The following SLC35D1 variants were observed in gnomAD, a reference collection of about 807,000 sequenced individuals.
SLC35D1 encodes nucleotide sugar transporter SLC35D1.
SLC35D1 carries 31 observed loss-of-function variants against 46.7 expected under a neutral mutation model. The ratio of observed to expected loss-of-function variants is 0.66; its 90% CI spans 0.50 to 0.90. The LOEUF (loss-of-function observed/expected upper bound fraction) is 0.90, where lower values mean the gene tolerates loss of function less well. Ranked by LOEUF, SLC35D1 falls within the 40% of genes least tolerant of loss-of-function variation. The pLI is 0.00. For missense variants in SLC35D1, 397 were observed against 426.2 expected (o/e 0.93, Z 0.60); for synonymous variants, 195 against 164.6 (o/e 1.18, Z -1.41).
intron 7 of SLC35D1, among the ~76,000 whole-genome samples, chr1:67,044,544 T>A (rs1645230553): frequency 6.6e-6 from 1 of 152,192 alleles, no homozygotes; most frequent in Non-Finnish European, 1.5e-5. Flanking sequence ...CAGATAAGTG[T>A]GCACACACAT....
At chr1:66,974,438 TG>T in the SLC35D1 span, among the ~76,000 whole-genome samples, 34 of 151,618 alleles carry the variant, frequency 2.2e-4, no homozygotes, top group African/African-American at 7.8e-4. Context: ...TTTTTTTTGT[TG>T]TTGTTGTTGT....
At position 66,999,515 on chromosome 1, in the gene SLC35D1, T is replaced by C. The variant is rs1437519929; in HGVS notation, c.*4825A>G. 1 of 152,206 alleles carries C rather than the reference T, an allele frequency of 6.6e-6. No homozygotes were observed. The highest frequency in any genetic ancestry group is 2.4e-5 in the African/African-American group (1 of 41,400). 9.4% of individuals were successfully genotyped at this position (152,206 alleles called of 1,614,324 possible). On this transcript the variant is annotated 3_prime_UTR_variant, in exon 12 of 12. Transcript: ENST00000235345. ...AAAAATGGTCATTTGGTAAATAGACTCTAAAATGAAAAAATACTGTGAGAA... is the reference window on the plus strand; with the variant it reads ...AAAAATGGTCATTTGGTAAATAGACCCTAAAATGAAAAAATACTGTGAGAA...
At chr1:67,045,479 T>G (rs561131396) in intron 7 of SLC35D1, among the ~76,000 whole-genome samples, 4 of 152,238 alleles carry the variant, frequency 2.6e-5, no homozygotes, top group Non-Finnish European at 4.4e-5. Flanking sequence ...TTTATACTGC[T>G]GGTAAACCTC....
chr1:67,038,923 C>A (rs765567084), intron 8 of SLC35D1, among the ~76,000 whole-genome samples: 3 of 151,822 alleles, frequency 2.0e-5, no homozygotes, highest in Non-Finnish European at 4.4e-5. Flanking sequence ...CTCACTGGGA[C>A]GAGTTTTTCA....
At chr1:66,973,508 A>G in the SLC35D1 span, among the ~76,000 whole-genome samples, 1 of 152,092 alleles carries the variant, frequency 6.6e-6, no homozygotes, top group African/African-American at 2.4e-5. Context: ...TCTTATAGTT[A>G]TAATTTGAGG....
rs749472252 is a variant in SLC35D1 at position 67,047,328 on chromosome 1, A to C, written c.573T>G (p.Ile191Met). 1 of 1,613,464 alleles carries C rather than the reference A, an allele frequency of 6.2e-7. No homozygotes were observed. The highest frequency in any genetic ancestry group is 8.5e-7 in the Non-Finnish European group (1 of 1,179,914). Residue 191 changes from isoleucine (I) to methionine (M), a missense_variant, in exon 7 of 12, where the codon ATT becomes ATG. Ile to Met is a conservative substitution (Grantham distance 10, BLOSUM62 1). Transcript: ENST00000235345. Reference sequence around the variant, plus strand: ...CTGCTGTTAGGACATCGTTTATCAGAATAAAAGCATATCCTTCCAGATCAA... The same window carrying C: ...CTGCTGTTAGGACATCGTTTATCAGCATAAAAGCATATCCTTCCAGATCAA... ...LAFDLEGYAF[I>M]LINDVLTAAN...
intron 6 of SLC35D1, 139 bp from the exon 7 acceptor site, chr1:67,047,506 T>A: frequency 1.3e-6 from 1 of 760,808 alleles, no homozygotes; most frequent in South Asian, 1.6e-5. Flanking sequence ...CTACTAGTAT[T>A]TCTTGATTTC....
the SLC35D1 span, chr1:66,988,237 C>T: frequency 6.6e-6 from 1 of 152,400 alleles, no homozygotes; most frequent in South Asian, 2.1e-4. Flanking sequence ...CAAATTTTAA[C>T]CTTTTATTCT....
downstream of SLC35D1, among the ~76,000 whole-genome samples, chr1:66,996,551 G>A (rs1667239520): frequency 6.6e-6 from 1 of 152,180 alleles, no homozygotes; most frequent in African/African-American, 2.4e-5. Flanking sequence ...TAGATGCCAG[G>A]CCTCTAGTAG....
intron 10 of SLC35D1, among the ~76,000 whole-genome samples, chr1:67,015,926 GT>G (rs1667676148): frequency 6.6e-6 from 1 of 151,942 alleles, no homozygotes; most frequent in African/African-American, 2.4e-5. Flanking sequence ...CTGCAATCCT[GT>G]TTTAAACCTT....
the SLC35D1 span, chr1:66,973,113 T>C: frequency 1.7e-6 from 1 of 590,522 alleles, no homozygotes; most frequent in Non-Finnish European, 3.0e-6. Flanking sequence ...GACAATATTT[T>C]GGTATTTAGT....
chr1:67,048,848 ATATC>A (rs1314446750), intron 6 of SLC35D1, among the ~76,000 whole-genome samples: 2 of 152,248 alleles, frequency 1.3e-5, no homozygotes, highest in Non-Finnish European at 2.9e-5. Context: ...ACCTAATAGA[ATATC>A]TAAGTTATGG....
Position 67,003,015 on chromosome 1 carries a change from G to A in SLC35D1, c.*1325C>T, listed in dbSNP as rs1667372751. Reference sequence around the variant, plus strand: ...TCCCAAAATGCAGCATTGGTTTTGAGAGAAGTTGGCAAGCTCAGTAGGTGA... The same window carrying A: ...TCCCAAAATGCAGCATTGGTTTTGAAAGAAGTTGGCAAGCTCAGTAGGTGA... On this transcript the variant is annotated 3_prime_UTR_variant, in exon 12 of 12. Transcript: ENST00000235345. The A allele has an allele frequency of 6.6e-6, 1 of 152,384 alleles. No homozygotes were observed. Among genetic ancestry groups the A allele is most frequent in the African/African-American group, 2.4e-5 (1 of 41,456 alleles). The allele number at this position is 152,384 out of a possible 1,614,324, so 9.4% of individuals were successfully genotyped here.
At chr1:66,987,904 C>G in the SLC35D1 span, 1 of 150,610 alleles carries the variant, frequency 6.6e-6, no homozygotes, top group Non-Finnish European at 1.5e-5. Context: ...CTTTCAGTCC[C>G]TAGACCTCCA....
chr1:66,973,092 ATAAT>A, the SLC35D1 span: 91 of 630,288 alleles, frequency 1.4e-4, no homozygotes, highest in Non-Finnish European at 1.9e-4. Flanking sequence ...TAAAGGTTTC[ATAAT>A]TAATATGACA....
the SLC35D1 span, among the ~76,000 whole-genome samples, chr1:66,990,958 T>TA: frequency 6.6e-6 from 1 of 152,176 alleles, no homozygotes; most frequent in African/African-American, 2.4e-5. Flanking sequence ...CATATTAGCA[T>TA]ATAGGTTATA....
intron 7 of SLC35D1, among the ~76,000 whole-genome samples, chr1:67,043,901 G>T (rs1186755301): frequency 6.6e-6 from 1 of 152,186 alleles, no homozygotes; most frequent in Admixed American, 6.5e-5. Flanking sequence ...GGGAAGTGGG[G>T]ACAGTGAGGG....
the SLC35D1 span, among the ~76,000 whole-genome samples, chr1:66,978,707 TCAG>T: frequency 1.3e-5 from 2 of 152,230 alleles, no homozygotes; most frequent in African/African-American, 4.8e-5. Context: ...TCTGTAATCA[TCAG>T]CAGTAACAAC....
At chr1:67,047,654 A>G (rs1645266027) in intron 6 of SLC35D1, among the ~76,000 whole-genome samples, 1 of 152,212 alleles carries the variant, frequency 6.6e-6, no homozygotes, top group Admixed American at 6.5e-5. Flanking sequence ...GATGACAACA[A>G]GCACCAAATT....
Sources: gnomAD v4.1 joint callset for allele counts (sites outside exome capture counted in the v4.1 genomes callset) on GRCh38, gnomAD v4.1.1 for gene constraint, MANE v1.5 for transcripts, NCBI Gene and HGNC (gene_info 2026-07-23, HGNC 2026-07-21) for gene names.